PPP2R2B: variants seen among roughly 807,000 people sequenced by gnomAD.
PPP2R2B encodes protein phosphatase 2 regulatory subunit Bbeta, also known as serine/threonine-protein phosphatase 2A 55 kDa regulatory subunit B beta isoform.
PPP2R2B carries 5 observed loss-of-function variants against 46.0 expected under a neutral mutation model. That is an observed-to-expected ratio of 0.11 (90% CI 0.06 to 0.23). PPP2R2B has a LOEUF of 0.23. Ranked by LOEUF, PPP2R2B falls within the 10% of genes least tolerant of loss-of-function variation. The pLI is 1.00. For synonymous variants in PPP2R2B, 215 were observed against 206.7 expected, an observed-to-expected ratio of 1.04 and a Z score of -0.34; for missense variants, 367 against 575.0, an observed-to-expected ratio of 0.64 and a Z score of 3.70.
intron 2 of PPP2R2B, among the ~76,000 whole-genome samples, chr5:146,823,280 C>T (rs570560895): frequency 1.6e-4 from 25 of 152,280 alleles, no homozygotes; most frequent in Middle Eastern, 3.4e-3. Context: ...TCACTGCAAC[C>T]TCCACCTCCC....
intron 5 of PPP2R2B, among the ~76,000 whole-genome samples, chr5:146,668,164 C>T (rs868038089): frequency 2.8e-5 from 4 of 141,442 alleles, no homozygotes; most frequent in African/African-American, 7.6e-5. Flanking sequence ...TAATTGGATA[C>T]ATTTAAGAGT....
At chr5:146,657,577 A>G (rs780555246) in intron 5 of PPP2R2B, among the ~76,000 whole-genome samples, 17 of 152,172 alleles carry the variant, frequency 1.1e-4, no homozygotes, top group Admixed American at 3.3e-4. Flanking sequence ...AGGAGTACCC[A>G]CAGGGTAGGT....
chr5:146,984,742 CTT>C (rs956934936), intron 1 of PPP2R2B, among the ~76,000 whole-genome samples: 1 of 147,124 alleles, frequency 6.8e-6, no homozygotes, highest in African/African-American at 2.5e-5. Flanking sequence ...TTATCTTTGG[CTT>C]TTTTTTTTAA....
chr5:146,995,028 A>G (rs1753862665), intron 1 of PPP2R2B, among the ~76,000 whole-genome samples: 1 of 152,156 alleles, frequency 6.6e-6, no homozygotes, highest in African/African-American at 2.4e-5. Context: ...AGGCAGTGGT[A>G]TGTTAGTGAT....
chr5:146,933,031 G>T (rs966074205), intron 1 of PPP2R2B, among the ~76,000 whole-genome samples: 7 of 152,132 alleles, frequency 4.6e-5, no homozygotes, highest in African/African-American at 1.4e-4. Context: ...AAATATTCAC[G>T]TGGGAATTAT....
chr5:146,798,037 C>T (rs560087767), intron 2 of PPP2R2B, among the ~76,000 whole-genome samples: 23 of 152,242 alleles, frequency 1.5e-4, no homozygotes, highest in African/African-American at 4.1e-4. Context: ...CTACTCCATC[C>T]GAGACAGGCA....
In PPP2R2B at chr5:146,589,714, C is replaced by T; in HGVS notation, c.*233G>A. 1 of 501,108 alleles carries T rather than the reference C, an allele frequency of 2.0e-6. No homozygotes were observed. Among genetic ancestry groups the T allele is most frequent in the African/African-American group, 1.9e-5 (1 of 51,960 alleles). 31.0% of individuals were successfully genotyped at this position (501,108 alleles called of 1,614,324 possible). A position where few individuals can be genotyped will look rare whatever the true frequency, so the allele number is the denominator to read the frequency against. On this transcript the variant is annotated 3_prime_UTR_variant, in exon 10 of 10. Coordinates refer to ENST00000394411, the MANE Select transcript of PPP2R2B (RefSeq NM_181675.4). Reference sequence around the variant, plus strand: ...GTTCAAGTCAACTATGGAAGAATTACTGTTAGCTGGCAGCTTTCAATTCTA... The same window carrying T: ...GTTCAAGTCAACTATGGAAGAATTATTGTTAGCTGGCAGCTTTCAATTCTA...
chr5:146,716,229 C>G (rs989717578), intron 2 of PPP2R2B, among the ~76,000 whole-genome samples: 4 of 152,082 alleles, frequency 2.6e-5, no homozygotes, highest in Non-Finnish European at 5.9e-5. Context: ...TTCCATGAAG[C>G]TTTTCTAAGC....
chr5:147,047,202 G>C (rs916841469), intron 1 of PPP2R2B, among the ~76,000 whole-genome samples: 15 of 152,144 alleles, frequency 9.9e-5, no homozygotes, highest in African/African-American at 3.6e-4. Context: ...CAAAATTACA[G>C]CTGGATAGGA....
chr5:146,990,411 G>T (rs554147607), intron 1 of PPP2R2B, among the ~76,000 whole-genome samples: 3 of 152,096 alleles, frequency 2.0e-5, no homozygotes, highest in African/African-American at 4.8e-5. Context: ...AGCCCAGAAA[G>T]AAATCCATGC....
chr5:146,884,366 A>G (rs1310412061), intron 1 of PPP2R2B, among the ~76,000 whole-genome samples: 1 of 152,138 alleles, frequency 6.6e-6, no homozygotes, highest in Admixed American at 6.5e-5. Context: ...TCGTTGTCTG[A>G]TCCTTTCCAG....
At chr5:146,897,305 GC>G (rs1441968732) in intron 1 of PPP2R2B, among the ~76,000 whole-genome samples, 1 of 152,146 alleles carries the variant, frequency 6.6e-6, no homozygotes, top group South Asian at 2.1e-4. Flanking sequence ...GGATTTACCT[GC>G]CCCCCGTTCC....
In PPP2R2B at chr5:146,589,698, A is replaced by C. The variant is rs1158949540; in HGVS notation, c.*249T>G. On this transcript the variant is annotated 3_prime_UTR_variant, in exon 10 of 10. Transcript: ENST00000394411. ...AATAAAAGCATCAGAAGTTCAAGTC[A>C]ACTATGGAAGAATTACTGTTAGCTG... 6.4e-6 allele frequency: 3 copies of C among 467,568 alleles called. No individual in the cohort carries two copies. Among genetic ancestry groups the C allele is most frequent in the African/African-American group, 5.8e-5 (3 of 51,306 alleles). The allele number at this position is 467,568 out of a possible 1,614,324, so 29.0% of individuals were successfully genotyped here.
intron 1 of PPP2R2B, among the ~76,000 whole-genome samples, chr5:146,991,919 T>A (rs949848553): frequency 6.6e-6 from 1 of 152,114 alleles, no homozygotes; most frequent in Non-Finnish European, 1.5e-5. Flanking sequence ...ATTGGAAATA[T>A]TAATATTATT....
intron 2 of PPP2R2B, among the ~76,000 whole-genome samples, chr5:146,853,810 T>C (rs966826393): frequency 2.0e-5 from 3 of 152,082 alleles, no homozygotes; most frequent in East Asian, 3.9e-4. Context: ...AACCATCATC[T>C]TGACTACCAT....
At chr5:147,011,837 A>G (rs1754749310) in intron 1 of PPP2R2B, among the ~76,000 whole-genome samples, 1 of 130,256 alleles carries the variant, frequency 7.7e-6, no homozygotes, top group Non-Finnish European at 1.7e-5. Context: ...TGAGATAATC[A>G]TGTGGTTTTT....
intron 1 of PPP2R2B, among the ~76,000 whole-genome samples, chr5:147,043,719 C>G (rs1304109606): frequency 1.3e-5 from 2 of 152,116 alleles, no homozygotes; most frequent in African/African-American, 4.8e-5. Context: ...TTTATTTAAT[C>G]TCACAGCAAT....
chr5:147,056,084 A>G (rs1176942057), upstream of PPP2R2B: 19 of 1,083,516 alleles, frequency 1.8e-5, no homozygotes, highest in Non-Finnish European at 2.1e-5. Context: ...TGAAACCTCT[A>G]CCTTTTCCCG....
intron 1 of PPP2R2B, among the ~76,000 whole-genome samples, chr5:147,007,576 T>C (rs535418734): frequency 1.8e-4 from 27 of 152,246 alleles, no homozygotes; most frequent in African/African-American, 6.3e-4. Context: ...CCTTCCACAC[T>C]ATGGAAGATT....
Sources: allele counts gnomAD v4.1 joint callset (sites outside exome capture counted in the v4.1 genomes callset), GRCh38; gene constraint gnomAD v4.1.1; transcripts MANE v1.5; gene names NCBI Gene and HGNC (gene_info 2026-07-23, HGNC 2026-07-21).